Variants in TMTC2 observed in about 807,000 individuals in gnomAD.
TMTC2 encodes transmembrane O-mannosyltransferase targeting cadherins 2.
TMTC2 carries 43 observed loss-of-function variants against 82.4 expected under a neutral mutation model. That is an observed-to-expected ratio of 0.52 (90% CI 0.41 to 0.67). TMTC2 has a LOEUF of 0.67. TMTC2 is among the 30% of genes least tolerant of loss of function. TMTC2 has a pLI of 0.00. For synonymous variants in TMTC2, 408 were observed against 381.9 expected (o/e 1.07, Z -0.80); for missense variants, 919 against 1,012.4 (o/e 0.91, Z 1.25).
chr12:82,864,428 A>G (rs1871713999), intron 2 of TMTC2, among the ~76,000 whole-genome samples: 1 of 151,582 alleles, frequency 6.6e-6, no homozygotes, highest in Non-Finnish European at 1.5e-5. Flanking sequence ...TTTGGTGATG[A>G]ACTGAAAATC....
At chr12:82,736,253 A>G (rs1435408716) in intron 1 of TMTC2, among the ~76,000 whole-genome samples, 1 of 152,164 alleles carries the variant, frequency 6.6e-6, no homozygotes, top group East Asian at 1.9e-4. Context: ...ATTCTTCTCA[A>G]TAGTTCTTTA....
At chr12:82,858,687 G>C (rs1871381823) in intron 2 of TMTC2, among the ~76,000 whole-genome samples, 1 of 149,926 alleles carries the variant, frequency 6.7e-6, no homozygotes, top group Non-Finnish European at 1.5e-5. Context: ...GATCTCTGCT[G>C]TGCTTTTTCT....
At chr12:82,913,804 C>T (rs73360300) in intron 3 of TMTC2, among the ~76,000 whole-genome samples, 5,800 of 152,178 alleles carry the variant, frequency 0.038, 143 homozygotes, top group African/African-American at 0.077. Context: ...GTACCGTTGT[C>T]CCTTGATATA....
intron 8 of TMTC2, among the ~76,000 whole-genome samples, chr12:82,994,846 A>G (rs1592680907): frequency 6.6e-6 from 1 of 152,308 alleles, no homozygotes; most frequent in East Asian, 1.9e-4. Flanking sequence ...TTCAGAAAGC[A>G]CAATTATGTA....
intron 1 of TMTC2, among the ~76,000 whole-genome samples, chr12:82,798,356 G>A (rs1298879303): frequency 8.0e-5 from 12 of 150,920 alleles, no homozygotes; most frequent in Non-Finnish European, 1.5e-4. Context: ...TGGATGGCGG[G>A]CGTGGTGGCG....
At chr12:82,785,356 A>ACCCC (rs150549652) in intron 1 of TMTC2, among the ~76,000 whole-genome samples, 111 of 123,848 alleles carry the variant, frequency 9.0e-4, no homozygotes, top group African/African-American at 3.4e-3. Flanking sequence ...TAAACAAACA[A>ACCCC]CCCCCCCCCG....
intron 2 of TMTC2, among the ~76,000 whole-genome samples, chr12:82,877,471 C>T (rs2137149664): frequency 6.6e-6 from 1 of 152,286 alleles, no homozygotes; most frequent in East Asian, 1.9e-4. Flanking sequence ...TAAGACCTTT[C>T]ATTTAGAGCT....
intron 7 of TMTC2, among the ~76,000 whole-genome samples, chr12:82,968,961 T>A (rs966034292): frequency 1.3e-5 from 2 of 152,322 alleles, no homozygotes; most frequent in African/African-American, 4.8e-5. Flanking sequence ...TGCCTTCTAT[T>A]TAATTTTATG....
At chr12:83,104,863 A>C (rs1884344060) in intron 11 of TMTC2, among the ~76,000 whole-genome samples, 1 of 152,164 alleles carries the variant, frequency 6.6e-6, no homozygotes, top group African/African-American at 2.4e-5. Context: ...CAGAATGTCC[A>C]AACTTTTATG....
intron 8 of TMTC2, among the ~76,000 whole-genome samples, chr12:82,997,200 CCTCTCCCTCTCT>C (rs1565844767): frequency 8.2e-6 from 1 of 121,950 alleles, no homozygotes; most frequent in Non-Finnish European, 1.7e-5. Flanking sequence ...TCTCCCTCCC[CCTCTCCCTCTCT>C]CTCTCTCTCT....
intron 1 of TMTC2, among the ~76,000 whole-genome samples, chr12:82,693,023 T>G (rs989343637): frequency 5.3e-5 from 8 of 152,248 alleles, no homozygotes; most frequent in African/African-American, 1.7e-4. Context: ...TATGAGCTTC[T>G]TTGTATATGT....
At chr12:83,023,059 C>T (rs566893528) in intron 8 of TMTC2, among the ~76,000 whole-genome samples, 5 of 152,164 alleles carry the variant, frequency 3.3e-5, no homozygotes, top group Non-Finnish European at 5.9e-5. Flanking sequence ...GAAATAGAAT[C>T]AGTTGGCTAG....
intron 8 of TMTC2, among the ~76,000 whole-genome samples, chr12:83,011,625 C>T (rs1880462755): frequency 6.6e-6 from 1 of 152,162 alleles, no homozygotes; most frequent in Non-Finnish European, 1.5e-5. Flanking sequence ...AAGTATGTTC[C>T]ATTCACTCAT....
At chr12:82,920,071 T>C (rs140731204) in intron 3 of TMTC2, among the ~76,000 whole-genome samples, 143 of 152,372 alleles carry the variant, frequency 9.4e-4, no homozygotes, top group South Asian at 2.9e-3. Flanking sequence ...ATCAATTTTC[T>C]ATATTAGTCT....
At chr12:82,910,688 G>A (rs768683205) in intron 3 of TMTC2, among the ~76,000 whole-genome samples, 19 of 152,122 alleles carry the variant, frequency 1.2e-4, no homozygotes, top group Non-Finnish European at 2.6e-4. Context: ...CATGGAGTCC[G>A]GCTGCTCCCC....
intron 11 of TMTC2, among the ~76,000 whole-genome samples, chr12:83,116,558 T>C (rs914742155): frequency 2.0e-5 from 3 of 152,222 alleles, no homozygotes; most frequent in Admixed American, 2.0e-4. Flanking sequence ...TCACCAGCAG[T>C]GTAGAAGTGT....
At chr12:83,050,547 A>C (rs990992855) in intron 9 of TMTC2, among the ~76,000 whole-genome samples, 4 of 152,182 alleles carry the variant, frequency 2.6e-5, no homozygotes, top group Non-Finnish European at 5.9e-5. Flanking sequence ...ATTCATCAAT[A>C]TGAATATACC....
chr12:83,064,343 T>G (rs772824803), intron 11 of TMTC2, among the ~76,000 whole-genome samples: 15 of 151,938 alleles, frequency 9.9e-5, no homozygotes, highest in Non-Finnish European at 1.8e-4. Flanking sequence ...AAAGCCCTTT[T>G]TTTCTGAACC....
chr12:82,930,415 T>C lies in TMTC2; in HGVS notation c.1484-16T>C, dbSNP rs1175864303. Reference sequence around the variant, plus strand: ...GATTGATGCTCAGTCTGAAAATTTCTTTTTCTTCTTGGCAGCATGGGGTAA... The same window carrying C: ...GATTGATGCTCAGTCTGAAAATTTCCTTTTCTTCTTGGCAGCATGGGGTAA... On this transcript the variant is annotated splice_polypyrimidine_tract_variant and intron_variant, in intron 3 of 11. Coordinates refer to ENST00000321196, the MANE Select transcript of TMTC2 (RefSeq NM_152588.3). 4.2e-5 allele frequency: 64 copies of C among 1,535,732 alleles called. No individual in the cohort carries two copies. The highest frequency in any genetic ancestry group is 5.5e-5 in the Non-Finnish European group (62 of 1,122,966).
Sources: gnomAD v4.1 joint callset for allele counts (sites outside exome capture counted in the v4.1 genomes callset) on GRCh38, gnomAD v4.1.1 for gene constraint, MANE v1.5 for transcripts, NCBI Gene and HGNC (gene_info 2026-07-23, HGNC 2026-07-21) for gene names.